The following PWWP2B variants were observed in gnomAD, a reference collection of about 807,000 sequenced individuals.
PWWP2B encodes PWWP domain containing 2B.
In PWWP2B, 9 loss-of-function variants were observed where a neutral mutation model predicts 15.5. The observed-to-expected ratio is 0.58, with a 90% CI of 0.35 to 1.02. The LOEUF is 1.02. PWWP2B is among the 50% of genes least tolerant of loss of function. The pLI is 0.02. For missense variants in PWWP2B, 864 were observed against 865.3 expected, an observed-to-expected ratio of 1.00 and a Z score of 0.02; for synonymous variants, 474 against 403.6, an observed-to-expected ratio of 1.17 and a Z score of -2.09.
intron 1 of PWWP2B, among the ~76,000 whole-genome samples, chr10:132,403,632 G>A (rs2069640983): frequency 6.6e-6 from 1 of 152,238 alleles, no homozygotes; most frequent in African/African-American, 2.4e-5. Flanking sequence ...AGCTGCTTCT[G>A]AGGACAAATC....
Position 132,405,402 on chromosome 10 carries a change from C to T in PWWP2B, c.902C>T (p.Ser301Phe), listed in dbSNP as rs763119150. Residue 301 changes from serine to phenylalanine, a missense_variant, in exon 2 of 3, where the codon TCC (serine) becomes TTC (phenylalanine). Physicochemically the swap from Ser to Phe is radical, Grantham distance 155 (BLOSUM62 -2). Transcript: ENST00000305233. ...SQDPEVLDRE[S>F]RDRPSCAPSA... The stretch of plus-strand genomic sequence containing the variant: ...GACCCCGAGGTGCTGGACAGAGAGT[C>T]CCGGGACCGGCCGTCCTGCGCGCCC... 6.2e-7 allele frequency: 1 copy of T among 1,611,116 alleles called. No individual in the cohort carries two copies. The highest frequency in any genetic ancestry group is 8.5e-7 in the Non-Finnish European group (1 of 1,179,238).
At chr10:132,406,651 A>G (rs1279386953) in intron 2 of PWWP2B, among the ~76,000 whole-genome samples, 1 of 152,218 alleles carries the variant, frequency 6.6e-6, no homozygotes, top group African/African-American at 2.4e-5. Context: ...GGGAGAGCCC[A>G]GGCTGAGGCC....
rs752704577 is a variant in PWWP2B at position 132,406,061 on chromosome 10, C to T, written c.1561C>T (p.Pro521Ser). 1 of 1,613,596 alleles carries T rather than the reference C, an allele frequency of 6.2e-7. No individual in the cohort carries two copies. The highest frequency in any genetic ancestry group is 1.1e-5 in the South Asian group (1 of 91,088). The change falls in exon 2 of 3, where the codon CCG becomes TCG. Residue 521 changes from proline (P) to serine (S), a missense_variant. Transcript: ENST00000305233. ...TCTCGGCCAGAAGGAGGACGGAGAG[C>T]CGTCTTGGCGAGAAGCGAAGGTCTC... ...ISLGQKEDGE[P>S]SWREAKVSWF...
chr10:132,400,161 T>G (rs1303371883), intron 1 of PWWP2B, among the ~76,000 whole-genome samples: 1 of 152,168 alleles, frequency 6.6e-6, no homozygotes, highest in Non-Finnish European at 1.5e-5. Context: ...GGGGAGCACC[T>G]GGGCCAGGGC....
intron 2 of PWWP2B, among the ~76,000 whole-genome samples, chr10:132,414,412 G>GT (rs2069818033): frequency 6.6e-6 from 1 of 152,224 alleles, no homozygotes; most frequent in African/African-American, 2.4e-5. Flanking sequence ...TGCTGCATTA[G>GT]AAGGGATGGA....
At chr10:132,398,008 G>A (rs1394122982) in intron 1 of PWWP2B, among the ~76,000 whole-genome samples, 1 of 152,204 alleles carries the variant, frequency 6.6e-6, no homozygotes, top group Non-Finnish European at 1.5e-5. Context: ...ACCTGTGCAC[G>A]GGCTGCAGGG....
chr10:132,415,455 TCACA>T (rs577316161), intron 2 of PWWP2B, among the ~76,000 whole-genome samples: 2 of 139,258 alleles, frequency 1.4e-5, no homozygotes. Flanking sequence ...TCACATCCAC[TCACA>T]CACGCACTCT....
rs754806865 is a variant in PWWP2B at position 132,405,941 on chromosome 10, A to T, written c.1441A>T (p.Ile481Phe). 7 of 1,613,222 alleles carry T rather than the reference A, an allele frequency of 4.3e-6. No individual in the cohort carries two copies. In the Admixed American group the frequency reaches 5.0e-5, roughly 12 times the overall value. The part of the protein sequence containing the change: ...RLHTQSVSEC[I>F]TEDGRTVAVG... Reference sequence around the variant, plus strand: ...GCACACACAGAGCGTGTCGGAGTGCATCACGGAGGACGGCAGGACTGTGGC... The same window carrying T: ...GCACACACAGAGCGTGTCGGAGTGCTTCACGGAGGACGGCAGGACTGTGGC... The change falls in exon 2 of 3, where the codon ATC (isoleucine) becomes TTC (phenylalanine). Residue 481 changes from isoleucine to phenylalanine, a missense_variant. Physicochemically the swap from Ile to Phe is conservative, Grantham distance 21. Coordinates refer to ENST00000305233, the MANE Select transcript of PWWP2B (RefSeq NM_138499.4).
intron 2 of PWWP2B, among the ~76,000 whole-genome samples, chr10:132,408,235 G>A (rs1367393621): frequency 6.6e-6 from 1 of 152,226 alleles, no homozygotes; most frequent in Non-Finnish European, 1.5e-5. Flanking sequence ...TTTCCTGAGG[G>A]CTAAAGACCA....
intron 2 of PWWP2B, among the ~76,000 whole-genome samples, chr10:132,415,560 AAC>A (rs1003169533): frequency 1.9e-4 from 18 of 96,588 alleles, no homozygotes; most frequent in South Asian, 9.2e-4. Flanking sequence ...CATTCACACA[AAC>A]ACACATACAC....
intron 2 of PWWP2B, among the ~76,000 whole-genome samples, chr10:132,409,156 C>T (rs1476243149): frequency 2.0e-5 from 3 of 152,182 alleles, no homozygotes; most frequent in Non-Finnish European, 2.9e-5. Context: ...CTGAGTGAGC[C>T]GCACTCCACC....
At chr10:132,399,554 A>G (rs1023012031) in intron 1 of PWWP2B, among the ~76,000 whole-genome samples, 5 of 152,270 alleles carry the variant, frequency 3.3e-5, no homozygotes, top group African/African-American at 4.8e-5. Flanking sequence ...GGCTTGTGCC[A>G]CAAGGGCCAT....
At chr10:132,400,826 G>C (rs976105581) in intron 1 of PWWP2B, among the ~76,000 whole-genome samples, 1 of 152,272 alleles carries the variant, frequency 6.6e-6, no homozygotes, top group African/African-American at 2.4e-5. Context: ...GGCCACAACA[G>C]GGTGTCCTTT....
intron 1 of PWWP2B, among the ~76,000 whole-genome samples, chr10:132,404,001 ATTCTCCAGGGCTCCTGCAGGACG>A (rs2133151276): frequency 3.6e-5 from 1 of 27,898 alleles, no homozygotes; most frequent in South Asian, 8.7e-4. Flanking sequence ...GTAGGACGGC[ATTCTCCAGGGCTCCTGCAGGACG>A]GCATTCTCCA....
In PWWP2B at chr10:132,398,998, G is replaced by A. The variant is rs564258551; in HGVS notation, c.125+1647G>A. 5.5e-4 allele frequency among the ~76,000 whole-genome samples: 58 copies of A among 106,172 alleles called. No homozygotes were observed. The South Asian group carries it at 8.6e-3, about 16-fold the overall frequency. The allele number at this position is 106,172 out of a possible 152,430, so 69.7% of individuals were successfully genotyped here. A position where few individuals can be genotyped will look rare whatever the true frequency, so the allele number is the denominator to read the frequency against. On this transcript the variant is annotated intron_variant, in intron 1 of 2. Transcript: ENST00000305233. ...CCCCTGTGCCTGAGTCTGTCCGGCT[G>A]TTCTCCTCTCCCCCAGCCCCAGTCC...
At chr10:132,414,115 G>T (rs1355975819) in intron 2 of PWWP2B, among the ~76,000 whole-genome samples, 1 of 152,246 alleles carries the variant, frequency 6.6e-6, no homozygotes, top group Non-Finnish European at 1.5e-5. Context: ...GGCCAGTGCT[G>T]CTCCAGCCTT....
Position 132,406,414 on chromosome 10 carries a change from C to G in PWWP2B, c.*16+125C>G, listed in dbSNP as rs376473540. 138 of 819,824 alleles carry G rather than the reference C, an allele frequency of 1.7e-4. 2 individuals carry two copies. Among genetic ancestry groups the G allele is most frequent in the Non-Finnish European group, 2.5e-4 (133 of 540,918 alleles). 50.8% of individuals were successfully genotyped at this position (819,824 alleles called of 1,614,324 possible). ...CCGCCTGTGCCCCTCAGCTGGCTTG[C>G]TTGGGGCCCCAGCCGTCTGGAAAAT... On this transcript the variant is annotated intron_variant, in intron 2 of 2. Transcript: ENST00000305233.
At chr10:132,411,814 C>A (rs2069786105) in intron 2 of PWWP2B, among the ~76,000 whole-genome samples, 1 of 152,206 alleles carries the variant, frequency 6.6e-6, no homozygotes, top group African/African-American at 2.4e-5. Context: ...TTGATGTTTT[C>A]CTTTTAGAAC....
intron 1 of PWWP2B, among the ~76,000 whole-genome samples, chr10:132,400,755 C>A (rs2069605250): frequency 6.6e-6 from 1 of 152,234 alleles, no homozygotes; most frequent in Non-Finnish European, 1.5e-5. Flanking sequence ...CTCAGGCTGT[C>A]CTGCGCTGCG....
Sources: allele counts gnomAD v4.1 joint callset (sites outside exome capture counted in the v4.1 genomes callset), GRCh38; gene constraint gnomAD v4.1.1; transcripts MANE v1.5; gene names NCBI Gene and HGNC (gene_info 2026-07-23, HGNC 2026-07-21).